Variants in NOTCH4 observed in about 807,000 individuals in gnomAD.
The protein encoded by NOTCH4 is neurogenic locus notch homolog protein 4.
In NOTCH4, 138 loss-of-function variants were observed where a neutral mutation model predicts 189.0. The ratio of observed to expected loss-of-function variants is 0.73; its 90% CI spans 0.64 to 0.84. The LOEUF (loss-of-function observed/expected upper bound fraction) is 0.84. Among genes scored for constraint, NOTCH4 ranks in the 40% least tolerant of loss-of-function variants. The probability of loss-of-function intolerance (pLI) is 0.00; values close to 1 mark genes in which losing one functional copy is unlikely to be tolerated. For synonymous variants in NOTCH4, 942 were observed against 1,032.8 expected (o/e 0.91, Z 1.69); for missense variants, 2,286 against 2,605.4 (o/e 0.88, Z 2.67).
chr6:32,218,229 CTGCATGGGGT>C, intron 8 of NOTCH4, 121 bp from the exon 9 acceptor site: 2 of 677,862 alleles, frequency 3.0e-6, no homozygotes, highest in East Asian at 5.4e-5. Flanking sequence ...GAGGTGCTGT[CTGCATGGGGT>C]TGAATAAGAT....
In NOTCH4 at chr6:32,202,446, G is replaced by A. The variant is rs2127467435; in HGVS notation, c.3385C>T (p.Pro1129Ser). ...GYGGPDCLTPPAPKGCGPPSP... is the reference protein window; with the variant it reads ...GYGGPDCLTPSAPKGCGPPSP... ...GGAGGGCCACAGCCTTTAGGAGCTG[G>A]TGGGGTCAGGCAGTCAGGACCCCCA... The change falls in exon 21 of 30, where the codon CCA becomes TCA. Residue 1129 changes from proline to serine, a missense_variant. Pro to Ser is a moderately conservative substitution (Grantham distance 74, BLOSUM62 -1). Transcript: ENST00000375023. This position sits in a 1 kb window ranked among gnomAD's most constrained non-coding sequence, Gnocchi z 5.7. 6.2e-7 allele frequency: 1 copy of A among 1,612,326 alleles called. No individual in the cohort carries two copies. The highest frequency in any genetic ancestry group is 8.5e-7 in the Non-Finnish European group (1 of 1,179,720).
intron 12 of NOTCH4, 111 bp downstream of exon 12, chr6:32,215,115 T>C (rs1331698711): frequency 1.9e-6 from 2 of 1,043,024 alleles, no homozygotes; most frequent in East Asian, 2.7e-5. Context: ...TCTCCTTCCT[T>C]TTCCCCATTG....
rs765358094 is a variant in NOTCH4, at chr6:32,202,312, G to A, written c.3519C>T (p.Pro1173=). ...HSSPGPRCQK[P]GAKGCEGRSG... ...TTCTGCCCTCACACCCCTTGGCTCCGGGTTTCTGACACCGGGGCCCTGGAG... is the reference window on the plus strand; with the variant it reads ...TTCTGCCCTCACACCCCTTGGCTCCAGGTTTCTGACACCGGGGCCCTGGAG... The change falls in exon 21 of 30, where the codon CCC becomes CCT. Residue 1173 remains proline (P), a synonymous_variant. Transcript: ENST00000375023. This position sits in a 1 kb window ranked among gnomAD's most constrained non-coding sequence, Gnocchi z 5.7. The A allele has an allele frequency of 1.1e-5, 18 of 1,612,330 alleles. No individual in the cohort carries two copies. The South Asian group carries it at 1.6e-4, about 15-fold the overall frequency.
chr6:32,216,517 C>T, intron 11 of NOTCH4: 2 of 269,932 alleles, frequency 7.4e-6, no homozygotes, highest in Non-Finnish European at 1.4e-5. Flanking sequence ...TAATATCCTG[C>T]ACGTTTTTCT....
chr6:32,221,321 C>T lies in NOTCH4; in HGVS notation c.456G>A (p.Glu152=), dbSNP rs751025290. ...QCSCMPGWTG[E]QCQLRDFCSA... is the part of the protein sequence containing the mutation. Reference sequence around the variant, plus strand: ...AACAGAAGTCCCGAAGCTGGCACTGCTCACCTGAGGCAGAGGACAGAGGGA... The same window carrying T: ...AACAGAAGTCCCGAAGCTGGCACTGTTCACCTGAGGCAGAGGACAGAGGGA... The change falls in exon 4 of 30, where the codon GAG becomes GAA. Residue 152 remains glutamate (E), a synonymous_variant. Transcript: ENST00000375023. The surrounding 1 kb of genome is among the most constrained non-coding windows in gnomAD (Gnocchi z 4.3). The T allele has an allele frequency of 5.6e-6, 9 of 1,611,154 alleles. No individual in the cohort carries two copies. Among genetic ancestry groups the T allele is most frequent in the Non-Finnish European group, 8.5e-7 (1 of 1,178,926 alleles).
intron 19 of NOTCH4, 24 bp downstream of exon 19, chr6:32,204,113 G>T (rs776072177): frequency 6.8e-6 from 11 of 1,610,526 alleles, no homozygotes; most frequent in Non-Finnish European, 9.3e-6. Context: ...AGACACACTT[G>T]TGCCCCTTGT....
intron 4 of NOTCH4, 49 bp from the exon 5 acceptor site, chr6:32,220,927 C>T (rs1287402235): frequency 1.9e-6 from 3 of 1,598,622 alleles, no homozygotes; most frequent in South Asian, 1.1e-5. Context: ...ACGGAGACAT[C>T]CTGCCCTGCC....
At chr6:32,211,548 G>A (rs1382955456) in intron 17 of NOTCH4, among the ~76,000 whole-genome samples, 5 of 151,880 alleles carry the variant, frequency 3.3e-5, no homozygotes, top group African/African-American at 1.2e-4. Context: ...AGCCGAGATC[G>A]TGCCACTGCA....
rs1789721698 is a variant in NOTCH4 at position 32,220,875 on chromosome 6, A to C, written c.803T>G (p.Phe268Cys). The C allele has an allele frequency of 5.0e-6, 8 of 1,613,386 alleles. No individual in the cohort carries two copies. The highest frequency in any genetic ancestry group is 5.1e-6 in the Non-Finnish European group (6 of 1,179,594). Residue 268 changes from phenylalanine to cysteine, a missense_variant, in exon 5 of 30, where the codon TTC becomes TGC. Around this residue, in one of 2 missense-constraint regions of NOTCH4, gnomAD observed 1,903 missense variants for 2,261.9 expected, o/e 0.84. Transcript: ENST00000375023. ...ATTCACCTCACAGTCTGGGCCTATGAAACCTGACAGGGTCATGGATCAGCT... is the reference window on the plus strand; with the variant it reads ...ATTCACCTCACAGTCTGGGCCTATGCAACCTGACAGGGTCATGGATCAGCT... ...TFHLCLCPPG[F>C]IGPDCEVNPD...
chr6:32,198,598 C>T lies in NOTCH4; in HGVS notation c.4618-39G>A, dbSNP rs1298103358. 1 of 1,610,672 alleles carries T rather than the reference C, an allele frequency of 6.2e-7. No individual in the cohort carries two copies. Among genetic ancestry groups the T allele is most frequent in the Non-Finnish European group, 8.5e-7 (1 of 1,178,586 alleles). On this transcript the variant is annotated intron_variant, in intron 25 of 29. Transcript: ENST00000375023. The surrounding 1 kb of genome is among the most constrained non-coding windows in gnomAD (Gnocchi z 5.5). ...CAAGGATCAGTGAAGGTTGATTTGC[C>T]CTTTCATCCCTTCCATCACCTCCAG...
Position 32,202,422 on chromosome 6 carries a change from G to A in NOTCH4, c.3409C>T (p.Pro1137Ser). Reference protein sequence around the residue: ...TPPAPKGCGPPSPCLYNGSCS... With the variant: ...TPPAPKGCGPSSPCLYNGSCS... ...CTGCCATTGTATAGGCATGGGGAGGGAGGGCCACAGCCTTTAGGAGCTGGT... is the reference window on the plus strand; with the variant it reads ...CTGCCATTGTATAGGCATGGGGAGGAAGGGCCACAGCCTTTAGGAGCTGGT... The change falls in exon 21 of 30, where the codon CCC becomes TCC. Residue 1137 changes from proline to serine, a missense_variant. Coordinates refer to ENST00000375023, the MANE Select transcript of NOTCH4 (RefSeq NM_004557.4). The surrounding 1 kb of genome is among the most constrained non-coding windows in gnomAD (Gnocchi z 5.7). 1 of 1,612,278 alleles carries A rather than the reference G, an allele frequency of 6.2e-7. No homozygotes were observed. The highest frequency in any genetic ancestry group is 8.5e-7 in the Non-Finnish European group (1 of 1,179,706).
At chr6:32,197,226 C>T (rs937815639) in intron 27 of NOTCH4, 73 bp downstream of exon 27, 13 of 1,517,206 alleles carry the variant, frequency 8.6e-6, no homozygotes, top group Non-Finnish European at 1.1e-5. Flanking sequence ...TTGTCAAACT[C>T]TAGGGGATGC....
chr6:32,217,987 G>A lies in NOTCH4; in HGVS notation c.1624+8C>T, dbSNP rs1247301500. 3.8e-6 allele frequency: 6 copies of A among 1,592,750 alleles called. No homozygotes were observed. The Admixed American group carries it at 6.7e-5, about 18-fold the overall frequency. On this transcript the variant is annotated splice_region_variant and intron_variant, in intron 9 of 29. Transcript: ENST00000375023. This position sits in a 1 kb window ranked among gnomAD's most constrained non-coding sequence, Gnocchi z 4.2. ...TCTGAGGGTGGCCAGAGAGGCATCTGTACTCACCAGGCAGGCAGATGCACT... is the reference window on the plus strand; with the variant it reads ...TCTGAGGGTGGCCAGAGAGGCATCTATACTCACCAGGCAGGCAGATGCACT...
rs1361534490 is a variant in NOTCH4 at position 32,210,001 on chromosome 6, T to C, written c.2865+751A>G. On this transcript the variant is annotated intron_variant, in intron 18 of 29. Transcript: ENST00000375023. The surrounding 1 kb of genome is among the most constrained non-coding windows in gnomAD (Gnocchi z 4.8). ...AATGGCAACCACACACACAAAAAAG[T>C]TGTGGTTCTGAGCATATGAATCAGG... 6.6e-6 allele frequency among the ~76,000 whole-genome samples: 1 copy of C among 151,466 alleles called. No individual in the cohort carries two copies. The highest frequency in any genetic ancestry group is 1.5e-5 in the Non-Finnish European group (1 of 67,828).
Position 32,200,842 on chromosome 6 carries a change from T to C in NOTCH4, c.4304A>G (p.His1435Arg). 16 of 1,606,166 alleles carry C rather than the reference T, an allele frequency of 1.0e-5. No homozygotes were observed. The highest frequency in any genetic ancestry group is 1.4e-5 in the Non-Finnish European group (16 of 1,176,904). ...AAGGGGTCACCTACCGGTCCCTGCA[T>C]GAGGGTGGACAGCCAGCAGTGGTCC... ...LPGPLLAVHPHAGTAPPANQL... is the reference protein window; with the variant it reads ...LPGPLLAVHPRAGTAPPANQL... Residue 1435 changes from histidine to arginine, a missense_variant, in exon 23 of 30, where the codon CAT (histidine) becomes CGT (arginine). By Grantham distance (29) the His-to-Arg change is conservative. Transcript: ENST00000375023. This position sits in a 1 kb window ranked among gnomAD's most constrained non-coding sequence, Gnocchi z 5.0.
Position 32,195,428 on chromosome 6 carries a change from T to A in NOTCH4, c.*9A>T. On this transcript the variant is annotated 3_prime_UTR_variant, in exon 30 of 30. Coordinates refer to ENST00000375023, the MANE Select transcript of NOTCH4 (RefSeq NM_004557.4). The surrounding 1 kb of genome is among the most constrained non-coding windows in gnomAD (Gnocchi z 5.4). ...TCATTTTTGGAATTCCTCCCTACCA[T>A]GTATTCTTCTATTTTTTACCCTCTC... The A allele has an allele frequency of 6.4e-7, 1 of 1,569,154 alleles. No individual in the cohort carries two copies. The highest frequency in any genetic ancestry group is 8.6e-7 in the Non-Finnish European group (1 of 1,157,030).
In NOTCH4 at chr6:32,201,043, C is replaced by A; in HGVS notation, c.4140-37G>T. 6.4e-7 allele frequency: 1 copy of A among 1,560,404 alleles called. No homozygotes were observed. The highest frequency in any genetic ancestry group is 1.2e-5 in the South Asian group (1 of 81,410). ...GCACCTCAGAGACCTCTGTATTGGT[C>A]CCTGGCTCCCTTTCCTCCCTCTGCC... On this transcript the variant is annotated intron_variant, in intron 22 of 29. Transcript: ENST00000375023. The surrounding 1 kb of genome is among the most constrained non-coding windows in gnomAD (Gnocchi z 5.5).
chr6:32,222,451 C>T, intron 3 of NOTCH4, 60 bp downstream of exon 3: 1 of 1,409,320 alleles, frequency 7.1e-7, no homozygotes, highest in Non-Finnish European at 9.3e-7. Context: ...ATCTTCCCCA[C>T]CCACAGCCTA....
chr6:32,204,483 C>T, intron 18 of NOTCH4, 94 bp from the exon 19 acceptor site: 2 of 1,388,298 alleles, frequency 1.4e-6, no homozygotes, highest in Non-Finnish European at 2.0e-6. Flanking sequence ...CAGTCCCCCA[C>T]CTTCCAGCTC....
Sources: gnomAD v4.1 joint callset for allele counts (sites outside exome capture counted in the v4.1 genomes callset) on GRCh38, gnomAD v4.1.1 for gene constraint, gnomAD v4.1.1 regional missense constraint, Gnocchi (gnomAD v3.1) non-coding constraint, MANE v1.5 for transcripts, NCBI Gene and HGNC (gene_info 2026-07-23, HGNC 2026-07-21) for gene names.